The following TPST2 variants were observed in gnomAD, a reference collection of about 807,000 sequenced individuals.
The protein encoded by TPST2 is tyrosylprotein sulfotransferase 2.
In TPST2, 16 loss-of-function variants were observed where a neutral mutation model predicts 27.8. That is an observed-to-expected ratio of 0.58 (90% CI 0.39 to 0.88). The LOEUF (loss-of-function observed/expected upper bound fraction) is 0.88, where lower values mean the gene tolerates loss of function less well. Among genes scored for constraint, TPST2 ranks in the 40% least tolerant of loss-of-function variants. The pLI, the probability that TPST2 is intolerant of heterozygous loss-of-function variation, is 0.00. For synonymous variants in TPST2, 229 were observed against 231.7 expected, an observed-to-expected ratio of 0.99 and a Z score of 0.10; for missense variants, 464 against 543.1, an observed-to-expected ratio of 0.85 and a Z score of 1.45.
At chr22:26,540,518 G>C (rs1379730003) in intron 3 of TPST2, among the ~76,000 whole-genome samples, 1 of 152,186 alleles carries the variant, frequency 6.6e-6, no homozygotes, top group Non-Finnish European at 1.5e-5. Flanking sequence ...AGGATCACTT[G>C]AACAGGGAGG....
intron 1 of TPST2, among the ~76,000 whole-genome samples, chr22:26,557,101 C>T (rs1926842118): frequency 6.6e-6 from 1 of 152,242 alleles, no homozygotes; most frequent in South Asian, 2.1e-4. Context: ...AACCATGGCT[C>T]CTCTCCACGC....
At chr22:26,558,659 G>A (rs1214570672) in intron 1 of TPST2, among the ~76,000 whole-genome samples, 1 of 152,152 alleles carries the variant, frequency 6.6e-6, no homozygotes, top group Admixed American at 6.5e-5. Flanking sequence ...AGAGAAGGAA[G>A]GGACAGAGTG....
chr22:26,555,068 TC>T (rs1174930213), intron 1 of TPST2: 1 of 516,864 alleles, frequency 1.9e-6, no homozygotes, highest in African/African-American at 1.9e-5. Context: ...AAGGCAGATT[TC>T]CTGGGGCCTG....
intron 1 of TPST2, among the ~76,000 whole-genome samples, chr22:26,563,421 C>T (rs917222197): frequency 3.3e-5 from 5 of 151,052 alleles, no homozygotes; most frequent in African/African-American, 1.2e-4. Flanking sequence ...CTCCGTCTCC[C>T]GGGTTCACAC....
At chr22:26,555,071 T>G (rs970637723) in intron 1 of TPST2, 1 of 517,686 alleles carries the variant, frequency 1.9e-6, no homozygotes, top group African/African-American at 1.9e-5. Context: ...GCAGATTTCC[T>G]GGGGCCTGCC....
chr22:26,583,118 G>GAAAAAAAA (rs113898345), intron 1 of TPST2, among the ~76,000 whole-genome samples: 1 of 99,550 alleles, frequency 1.0e-5, no homozygotes, highest in African/African-American at 3.8e-5. Flanking sequence ...TCTCAAAAAG[G>GAAAAAAAA]AAAAAAAAAA....
rs987659380 is a variant in TPST2, at chr22:26,586,538, T to C, written c.-161+3515A>G. Among the ~76,000 whole-genome samples, 11 of 152,126 alleles carry C rather than the reference T, an allele frequency of 7.2e-5. No homozygotes were observed. The South Asian group carries it at 8.3e-4, about 11-fold the overall frequency. ...GTGCTGGGATTACAAGCATGAGCCA[T>C]GCACCCGGCCTAGGCTGCTTTCTTA... On this transcript the variant is annotated intron_variant, in intron 1 of 6. Transcript: ENST00000338754.
At chr22:26,547,788 T>C (rs922005637) in intron 1 of TPST2, among the ~76,000 whole-genome samples, 23 of 152,134 alleles carry the variant, frequency 1.5e-4, no homozygotes, top group African/African-American at 5.6e-4. Context: ...GTACTCCAGC[T>C]TGGATGACAG....
intron 1 of TPST2, among the ~76,000 whole-genome samples, chr22:26,581,042 A>G (rs983635550): frequency 4.0e-4 from 28 of 69,262 alleles, no homozygotes; most frequent in African/African-American, 1.1e-3. Flanking sequence ...ACACACACAC[A>G]CACACACACA....
At chr22:26,537,447 C>T (rs1354394131) in intron 3 of TPST2, among the ~76,000 whole-genome samples, 2 of 152,140 alleles carry the variant, frequency 1.3e-5, no homozygotes, top group East Asian at 3.8e-4. Flanking sequence ...AGAGCGTAGG[C>T]ACATTGTAAG....
intron 1 of TPST2, among the ~76,000 whole-genome samples, chr22:26,578,483 ACC>A (rs1363568941): frequency 6.6e-6 from 1 of 152,076 alleles, no homozygotes; most frequent in African/African-American, 2.4e-5. Flanking sequence ...GCAACCTCCG[ACC>A]CTGCAAACCT....
chr22:26,542,689 A>T (rs1925929697), intron 2 of TPST2, among the ~76,000 whole-genome samples: 1 of 152,184 alleles, frequency 6.6e-6, no homozygotes, highest in African/African-American at 2.4e-5. Context: ...GGTGGGTAGG[A>T]AACAGGCAGG....
At chr22:26,587,112 C>T (rs1928376155) in intron 1 of TPST2, among the ~76,000 whole-genome samples, 1 of 152,144 alleles carries the variant, frequency 6.6e-6, no homozygotes, top group Non-Finnish European at 1.5e-5. Flanking sequence ...GTGGGCAGGA[C>T]CAGACTTAAT....
intron 5 of TPST2, among the ~76,000 whole-genome samples, chr22:26,529,173 A>T (rs1925013116): frequency 6.6e-6 from 1 of 151,024 alleles, no homozygotes; most frequent in Non-Finnish European, 1.5e-5. Flanking sequence ...CCCAGGCTGG[A>T]TGGAGTGCGG....
Position 26,524,806 on chromosome 22 carries a change from C to T in TPST2, c.*1469G>A, listed in dbSNP as rs565103899. The T allele has an allele frequency of 6.6e-6, 1 of 152,356 alleles. No homozygotes were observed. Among genetic ancestry groups the T allele is most frequent in the South Asian group, 2.1e-4 (1 of 4,826 alleles). 9.4% of individuals were successfully genotyped at this position (152,356 alleles called of 1,614,324 possible). ...TCAGCAGGCTTGAAGTGTCCAAACC[C>T]AGCACATCTCAAAGAAAAAACTGGC... On this transcript the variant is annotated 3_prime_UTR_variant, in exon 7 of 7. Coordinates refer to ENST00000338754, the MANE Select transcript of TPST2 (RefSeq NM_003595.5).
intron 1 of TPST2, among the ~76,000 whole-genome samples, chr22:26,548,470 A>G (rs919042772): frequency 6.6e-6 from 1 of 151,946 alleles, no homozygotes; most frequent in African/African-American, 2.4e-5. Context: ...AAGGAGAAAG[A>G]AAAGGAAAAA....
At chr22:26,562,001 C>T (rs1196126103) in intron 1 of TPST2, among the ~76,000 whole-genome samples, 1 of 152,222 alleles carries the variant, frequency 6.6e-6, no homozygotes, top group South Asian at 2.1e-4. Flanking sequence ...CGTGACATTT[C>T]CAGCCTTGTT....
chr22:26,528,301 A>T, intron 5 of TPST2, 39 bp from the exon 6 acceptor site: 1 of 1,554,218 alleles, frequency 6.4e-7, no homozygotes, highest in Non-Finnish European at 8.7e-7. Flanking sequence ...GGTCACGGCC[A>T]GGTGAGGGAT....
At position 26,525,564 on chromosome 22, in the gene TPST2, T is replaced by C. The variant is rs1251188093; in HGVS notation, c.*711A>G. On this transcript the variant is annotated 3_prime_UTR_variant, in exon 7 of 7. Transcript: ENST00000338754. The stretch of plus-strand genomic sequence containing the variant: ...CTTTTGCTGTAATAAACCATAACCA[T>C]AAGGATAATAGCTCTTCTGAATTCT... The C allele has an allele frequency of 6.6e-6, 1 of 152,180 alleles. No homozygotes were observed. The highest frequency in any genetic ancestry group is 1.9e-4 in the East Asian group (1 of 5,194). 9.4% of individuals were successfully genotyped at this position (152,180 alleles called of 1,614,324 possible).
Sources: gnomAD v4.1 joint callset for allele counts (sites outside exome capture counted in the v4.1 genomes callset) on GRCh38, gnomAD v4.1.1 for gene constraint, MANE v1.5 for transcripts, NCBI Gene and HGNC (gene_info 2026-07-23, HGNC 2026-07-21) for gene names.